The following PPP1R1C variants were observed in gnomAD, a reference collection of about 807,000 sequenced individuals.
PPP1R1C encodes protein phosphatase 1 regulatory subunit 1C.
PPP1R1C carries 15 observed loss-of-function variants against 17.4 expected under a neutral mutation model. The ratio of observed to expected loss-of-function variants is 0.86; its 90% CI spans 0.58 to 1.33. PPP1R1C has a LOEUF of 1.33. Among genes scored for constraint, PPP1R1C ranks in the 40% most tolerant of loss-of-function variants. PPP1R1C has a pLI of 0.00. For missense variants in PPP1R1C, 143 were observed against 130.0 expected (o/e 1.10, Z -0.48); for synonymous variants, 35 against 43.1 (o/e 0.81, Z 0.73).
At chr2:182,109,523 T>C (rs1185100362) in intron 4 of PPP1R1C, among the ~76,000 whole-genome samples, 1 of 152,102 alleles carries the variant, frequency 6.6e-6, no homozygotes, top group Non-Finnish European at 1.5e-5. Flanking sequence ...TGGTGAAGAG[T>C]GTAGTGTCTG....
intron 2 of PPP1R1C, among the ~76,000 whole-genome samples, chr2:181,989,016 G>A (rs1685381536): frequency 6.6e-6 from 1 of 152,106 alleles, no homozygotes; most frequent in Non-Finnish European, 1.5e-5. Flanking sequence ...AATAAGAGGT[G>A]CAAATGATAT....
chr2:181,954,528 T>A (rs1684639152), exon 1 of PPP1R1C: 1 of 152,118 alleles, frequency 6.6e-6, no homozygotes, highest in South Asian at 2.1e-4. Context: ...AAGGACACAG[T>A]GAAAAATGTA....
intron 4 of PPP1R1C, among the ~76,000 whole-genome samples, chr2:182,113,043 A>G (rs1689486262): frequency 6.6e-6 from 1 of 152,184 alleles, no homozygotes. Context: ...GTGGATTAAT[A>G]GCATCCTAGG....
At chr2:182,074,729 T>G (rs1379966619) in intron 4 of PPP1R1C, among the ~76,000 whole-genome samples, 4 of 152,220 alleles carry the variant, frequency 2.6e-5, no homozygotes, top group Non-Finnish European at 5.9e-5. Context: ...AACAGTTTTA[T>G]TAATTCCTTT....
intron 2 of PPP1R1C, among the ~76,000 whole-genome samples, chr2:182,042,546 T>C (rs1342301228): frequency 6.6e-6 from 1 of 152,166 alleles, no homozygotes; most frequent in Non-Finnish European, 1.5e-5. Flanking sequence ...AGTCCTCTAG[T>C]GGTTGTGAAC....
chr2:182,048,598 G>C (rs541806736), intron 2 of PPP1R1C, among the ~76,000 whole-genome samples: 27 of 152,312 alleles, frequency 1.8e-4, no homozygotes, highest in African/African-American at 6.5e-4. Context: ...ATGAAATTGA[G>C]CTGTGCATAA....
chr2:181,993,678 A>G (rs1204721633), intron 2 of PPP1R1C, among the ~76,000 whole-genome samples: 1 of 152,148 alleles, frequency 6.6e-6, no homozygotes, highest in Non-Finnish European at 1.5e-5. Context: ...TGAGTTATTG[A>G]ATGCTGAATG....
At chr2:182,071,018 A>G (rs940244643) in intron 4 of PPP1R1C, among the ~76,000 whole-genome samples, 12 of 152,150 alleles carry the variant, frequency 7.9e-5, no homozygotes, top group Admixed American at 4.6e-4. Flanking sequence ...CTATGATCCA[A>G]TCACCTCCCA....
At chr2:182,021,738 G>T (rs1176806102) in intron 2 of PPP1R1C, among the ~76,000 whole-genome samples, 1 of 152,166 alleles carries the variant, frequency 6.6e-6, no homozygotes, top group Non-Finnish European at 1.5e-5. Context: ...GTATCAGACA[G>T]AAAAGAGCTA....
At chr2:182,091,426 C>T (rs968522734) in intron 4 of PPP1R1C, among the ~76,000 whole-genome samples, 3 of 150,110 alleles carry the variant, frequency 2.0e-5, no homozygotes, top group East Asian at 3.9e-4. Context: ...AGTGAACAGG[C>T]GGTGAGAAAG....
chr2:181,966,499 T>A (rs1553498786), intron 1 of PPP1R1C, among the ~76,000 whole-genome samples: 2 of 151,878 alleles, frequency 1.3e-5, no homozygotes, highest in Non-Finnish European at 2.9e-5. Context: ...GTTTTTTTAG[T>A]ATTTTTTTTC....
chr2:181,995,805 C>A (rs1205747796), intron 2 of PPP1R1C, among the ~76,000 whole-genome samples: 1 of 141,738 alleles, frequency 7.1e-6, no homozygotes, highest in African/African-American at 2.6e-5. Flanking sequence ...TGGGATTTTT[C>A]TGTCTTTTCT....
chr2:182,031,427 G>T (rs937020913), intron 2 of PPP1R1C, among the ~76,000 whole-genome samples: 1 of 152,170 alleles, frequency 6.6e-6, no homozygotes. Flanking sequence ...TAAACATTCG[G>T]ATAAAAATGT....
intron 2 of PPP1R1C, among the ~76,000 whole-genome samples, chr2:182,003,379 C>T (rs1685827981): frequency 6.6e-6 from 1 of 152,128 alleles, no homozygotes; most frequent in South Asian, 2.1e-4. Flanking sequence ...TCTTCTAAAC[C>T]ATTTCTACCT....
intron 4 of PPP1R1C, among the ~76,000 whole-genome samples, chr2:182,101,308 T>G (rs1689092099): frequency 6.6e-6 from 1 of 152,204 alleles, no homozygotes. Flanking sequence ...ATGGTGTTTT[T>G]GCTTTTAGGT....
intron 4 of PPP1R1C, among the ~76,000 whole-genome samples, chr2:182,087,837 G>A (rs1046324008): frequency 6.6e-6 from 1 of 152,100 alleles, no homozygotes; most frequent in Non-Finnish European, 1.5e-5. Flanking sequence ...TTTCTTTGTT[G>A]CTCAAAATTG....
chr2:182,108,681 A>T (rs2125232728), intron 4 of PPP1R1C, among the ~76,000 whole-genome samples: 1 of 152,294 alleles, frequency 6.6e-6, no homozygotes, highest in South Asian at 2.1e-4. Flanking sequence ...GTTAATGATT[A>T]TTCCATTTTT....
intron 2 of PPP1R1C, among the ~76,000 whole-genome samples, chr2:182,016,742 C>A (rs540367944): frequency 6.6e-6 from 1 of 152,222 alleles, no homozygotes; most frequent in Admixed American, 6.5e-5. Flanking sequence ...ACATAGGAAC[C>A]ATTTAGTCAG....
At chr2:182,028,660 G>C (rs1475366269) in intron 2 of PPP1R1C, among the ~76,000 whole-genome samples, 1 of 151,464 alleles carries the variant, frequency 6.6e-6, no homozygotes, top group Non-Finnish European at 1.5e-5. Context: ...AATAGGTGTG[G>C]TGTGGTGCTG....
Sources: allele counts gnomAD v4.1 joint callset (sites outside exome capture counted in the v4.1 genomes callset), GRCh38; gene constraint gnomAD v4.1.1; transcripts MANE v1.5; gene names NCBI Gene and HGNC (gene_info 2026-07-23, HGNC 2026-07-21).